The following SRRM2 variants were observed in gnomAD, a reference collection of about 807,000 sequenced individuals.
SRRM2 encodes serine/arginine repetitive matrix 2, also known as serine/arginine repetitive matrix protein 2.
Under a neutral mutation model 213.8 loss-of-function variants are expected in SRRM2, and 30 were observed. The ratio of observed to expected loss-of-function variants is 0.14; its 90% CI spans 0.10 to 0.19. SRRM2 has a LOEUF of 0.19. Ranked by LOEUF, SRRM2 falls within the 10% of genes least tolerant of loss-of-function variation. The probability of loss-of-function intolerance (pLI) is 1.00; values close to 1 mark genes in which losing one functional copy is unlikely to be tolerated. For missense variants in SRRM2, 4,904 were observed against 3,647.0 expected (o/e 1.34, Z -8.88); for synonymous variants, 2,025 against 1,377.7 (o/e 1.47, Z -10.40).
chr16:2,756,231 A>G (rs916363478), intron 1 of SRRM2, 103 bp from the exon 2 acceptor site: 20 of 1,096,082 alleles, frequency 1.8e-5, no homozygotes, highest in African/African-American at 3.2e-5. Flanking sequence ...TGTGAAGATC[A>G]ATGTTGAATT....
Position 2,763,050 on chromosome 16 carries a change from A to G in SRRM2, c.2522A>G (p.His841Arg). 1 of 1,614,120 alleles carries G rather than the reference A, an allele frequency of 6.2e-7. No individual in the cohort carries two copies. Among genetic ancestry groups the G allele is most frequent in the South Asian group, 1.1e-5 (1 of 91,072 alleles). Residue 841 changes from histidine (H) to arginine (R), a missense_variant, in exon 11 of 15, where the codon CAT becomes CGT. Transcript: ENST00000301740. ...SRQSHSSSSP[H>R]PKVKSGTPPR... ...CAAAGTCATTCCAGTTCATCTCCTCATCCTAAAGTGAAATCTGGAACACCA... is the reference window on the plus strand; with the variant it reads ...CAAAGTCATTCCAGTTCATCTCCTCGTCCTAAAGTGAAATCTGGAACACCA...
intron 7 of SRRM2, 85 bp downstream of exon 7, chr16:2,759,257 C>A (rs1055492882): frequency 6.2e-7 from 1 of 1,603,578 alleles, no homozygotes; most frequent in Admixed American, 1.7e-5. Context: ...ATTCCTTGAT[C>A]TTCCTTGTGT....
Position 2,756,439 on chromosome 16 carries a change from G to T in SRRM2, c.75G>T (p.Leu25=), listed in dbSNP as rs1469575606. Residue 25 remains leucine, a synonymous_variant, in exon 2 of 15, where the codon CTG becomes CTT. Transcript: ENST00000301740. ...TNGYVQRNLS[L]VRGRRGERPD... ...GCTACGTCCAGCGCAACCTGTCCCT[G>T]GTGCGGGGCCGCCGGGGTGAGCGGC... is the stretch of plus-strand genomic sequence containing the variant. The T allele has an allele frequency of 1.2e-6, 2 of 1,612,808 alleles. No homozygotes were observed.
chr16:2,757,588 TGC>T lies in SRRM2; in HGVS notation c.350+12_350+13del. The T allele has an allele frequency of 6.2e-7, 1 of 1,611,130 alleles. No individual in the cohort carries two copies. Among genetic ancestry groups the T allele is most frequent in the Non-Finnish European group, 8.5e-7 (1 of 1,178,018 alleles). ...CCAGGGCAGAGGCCAGCGTGAGTGTTGCGCTCTCCCTCGATGACTCTGGACTC... is the reference window on the plus strand; with the variant it reads ...CCAGGGCAGAGGCCAGCGTGAGTGTTGCTCTCCCTCGATGACTCTGGACTC... On this transcript the variant is annotated intron_variant, in intron 3 of 14. Coordinates refer to ENST00000301740, the MANE Select transcript of SRRM2 (RefSeq NM_016333.4).
chr16:2,759,928 T>C, intron 9 of SRRM2: 1 of 539,202 alleles, frequency 1.9e-6, no homozygotes. Context: ...GGTGGTTTGT[T>C]CGTGGTGTCT....
chr16:2,770,556 G>C, intron 13 of SRRM2, 48 bp from the exon 14 acceptor site: 1 of 1,551,362 alleles, frequency 6.4e-7, no homozygotes, highest in Non-Finnish European at 8.7e-7. Context: ...GCTATGTGGT[G>C]CCTGAGGTGG....
intron 9 of SRRM2, 164 bp downstream of exon 9, chr16:2,759,825 T>C: frequency 1.6e-6 from 1 of 613,328 alleles, no homozygotes; most frequent in Non-Finnish European, 2.8e-6. Context: ...TGGACAGACA[T>C]ATACATTTCC....
At chr16:2,768,661 C>CA in intron 11 of SRRM2, 1 of 649,822 alleles carries the variant, frequency 1.5e-6, no homozygotes, top group Non-Finnish European at 2.8e-6. Flanking sequence ...AACCTGCACT[C>CA]ACAGGGGCCT....
intron 2 of SRRM2, 148 bp downstream of exon 2, chr16:2,756,754 A>G: frequency 1.7e-6 from 2 of 1,165,256 alleles, no homozygotes; most frequent in Non-Finnish European, 1.2e-6. Context: ...AGAGAAGTGA[A>G]AACAGTTAAG....
Position 2,766,014 on chromosome 16 carries a change from A to G in SRRM2, c.5486A>G (p.Glu1829Gly), listed in dbSNP as rs995847173. ...GYHSRSPARQ[E>G]SSRTSSRRRR... ...CACTCAAGGTCACCTGCCCGGCAGG[A>G]AAGTTCCCGGACCTCCTCTCGACGC... Residue 1829 changes from glutamate (E) to glycine (G), a missense_variant, in exon 11 of 15, where the codon GAA becomes GGA. By Grantham distance (98) the Glu-to-Gly change is moderately conservative. Transcript: ENST00000301740. The surrounding 1 kb of genome is among the most constrained non-coding windows in gnomAD (Gnocchi z 7.0). 1 of 1,614,018 alleles carries G rather than the reference A, an allele frequency of 6.2e-7. No homozygotes were observed. The highest frequency in any genetic ancestry group is 8.5e-7 in the Non-Finnish European group (1 of 1,180,010).
In SRRM2 at chr16:2,763,302, C is replaced by G. The variant is rs1318845999; in HGVS notation, c.2774C>G (p.Pro925Arg). 1.2e-6 allele frequency: 2 copies of G among 1,614,132 alleles called. No individual in the cohort carries two copies. Among genetic ancestry groups the G allele is most frequent in the Non-Finnish European group, 1.7e-6 (2 of 1,180,024 alleles). Residue 925 changes from proline to arginine, a missense_variant, in exon 11 of 15, where the codon CCA (proline) becomes CGA (arginine). Coordinates refer to ENST00000301740, the MANE Select transcript of SRRM2 (RefSeq NM_016333.4). ...CCCAAAGTGAAGGCAATAATATCAC[C>G]AAGACAAAGAAGCCATTCTGGCTCC... ...PQPKVKAIIS[P>R]RQRSHSGSSS...
chr16:2,768,053 C>T lies in SRRM2; in HGVS notation c.7525C>T (p.Pro2509Ser), dbSNP rs1251436881. The T allele has an allele frequency of 1.2e-6, 2 of 1,614,122 alleles. No individual in the cohort carries two copies. Among genetic ancestry groups the T allele is most frequent in the East Asian group, 2.2e-5 (1 of 44,890 alleles). Reference sequence around the variant, plus strand: ...GGTGCCCCACTCTGATGTGGGGGAGCCACCTGCCTCTACTGGGGCCCAGCA... The same window carrying T: ...GGTGCCCCACTCTGATGTGGGGGAGTCACCTGCCTCTACTGGGGCCCAGCA... ...PGVPHSDVGE[P>S]PASTGAQQPS... The change falls in exon 11 of 15, where the codon CCA becomes TCA. Residue 2509 changes from proline (P) to serine (S), a missense_variant. Coordinates refer to ENST00000301740, the MANE Select transcript of SRRM2 (RefSeq NM_016333.4).
Position 2,766,746 on chromosome 16 carries a change from C to T in SRRM2, c.6218C>T (p.Pro2073Leu). 6.2e-7 allele frequency: 1 copy of T among 1,614,238 alleles called. No homozygotes were observed. The highest frequency in any genetic ancestry group is 1.3e-5 in the African/African-American group (1 of 75,058). ...RGKRSLTRSP[P>L]AIRRRSASGS... is the part of the protein sequence containing the mutation. ...AAACGGTCCTTAACAAGATCTCCTC[C>T]AGCCATCCGCAGGCGTTCTGCATCT... Residue 2073 changes from proline to leucine, a missense_variant, in exon 11 of 15, where the codon CCA becomes CTA. Physicochemically the swap from Pro to Leu is moderately conservative, Grantham distance 98. Coordinates refer to ENST00000301740, the MANE Select transcript of SRRM2 (RefSeq NM_016333.4). The surrounding 1 kb of genome is among the most constrained non-coding windows in gnomAD (Gnocchi z 7.0).
At chr16:2,759,240 A>C (rs1168613784) in intron 7 of SRRM2, 68 bp downstream of exon 7, 1 of 1,604,484 alleles carries the variant, frequency 6.2e-7, no homozygotes, top group African/African-American at 1.4e-5. Flanking sequence ...TCTTGGAGTG[A>C]AGCTCAATTC....
chr16:2,768,490 T>G (rs1183564376), intron 11 of SRRM2: 1 of 685,370 alleles, frequency 1.5e-6, no homozygotes. Flanking sequence ...AATGATAAGT[T>G]TTCCGTCTCT....
intron 1 of SRRM2, among the ~76,000 whole-genome samples, chr16:2,754,951 A>G (rs1230811756): frequency 1.3e-5 from 2 of 152,190 alleles, no homozygotes; most frequent in African/African-American, 4.8e-5. Flanking sequence ...CGCATGCGCT[A>G]GTATATTTTT....
intron 10 of SRRM2, 70 bp from the exon 11 acceptor site, chr16:2,761,491 G>A (rs995728353): frequency 4.6e-6 from 6 of 1,292,974 alleles, no homozygotes; most frequent in Non-Finnish European, 6.2e-6. Flanking sequence ...AAAGGGTGTT[G>A]GGATCTTAGG....
At chr16:2,757,705 T>C in intron 3 of SRRM2, 76 bp from the exon 4 acceptor site, 1 of 1,585,940 alleles carries the variant, frequency 6.3e-7, no homozygotes, top group South Asian at 1.1e-5. Flanking sequence ...CTTATTTGGC[T>C]CCTGCTTATA....
rs1018193540 is a variant in SRRM2, at chr16:2,759,638, C to G, written c.810C>G (p.Ser270=). 2 of 1,613,890 alleles carry G rather than the reference C, an allele frequency of 1.2e-6. No individual in the cohort carries two copies. The highest frequency in any genetic ancestry group is 1.7e-6 in the Non-Finnish European group (2 of 1,179,936). ...GTTCAACTTCTGCTGACTCTGCTTC[C>G]TCCTCCGATACTTCCCGCAGTCGGT... The part of the protein sequence containing the change: ...AHRSTSADSA[S]SSDTSRSRSR... The change falls in exon 9 of 15, where the codon TCC becomes TCG. Residue 270 remains serine (S), a synonymous_variant. Coordinates refer to ENST00000301740, the MANE Select transcript of SRRM2 (RefSeq NM_016333.4).
Sources: gnomAD v4.1 joint callset for allele counts (sites outside exome capture counted in the v4.1 genomes callset) on GRCh38, gnomAD v4.1.1 for gene constraint, Gnocchi (gnomAD v3.1) non-coding constraint, MANE v1.5 for transcripts, NCBI Gene and HGNC (gene_info 2026-07-23, HGNC 2026-07-21) for gene names.